Variants in PCDH15 observed in about 807,000 individuals in gnomAD.
PCDH15 encodes the protein protocadherin related 15.
A neutral mutation model predicts 178.5 loss-of-function variants in PCDH15; 129 were observed. The observed-to-expected ratio is 0.72, with a 90% CI of 0.63 to 0.84. The LOEUF is 0.84. PCDH15 is among the 40% of genes least tolerant of loss of function. The probability of loss-of-function intolerance (pLI) is 0.00; values close to 1 mark genes in which losing one functional copy is unlikely to be tolerated. For missense variants in PCDH15, 2,230 were observed against 2,099.9 expected (o/e 1.06, Z -1.21); for synonymous variants, 800 against 732.0 (o/e 1.09, Z -1.50).
intron 1 of PCDH15, among the ~76,000 whole-genome samples, chr10:54,731,764 A>G (rs541939128): frequency 6.6e-6 from 1 of 150,738 alleles, no homozygotes; most frequent in South Asian, 2.1e-4. Context: ...TCATGAAGAT[A>G]GGAATTTGAT....
intron 2 of PCDH15, among the ~76,000 whole-genome samples, chr10:55,543,226 T>C (rs116120708): frequency 0.01 from 1,543 of 150,868 alleles, 36 homozygotes; most frequent in African/African-American, 0.036. Context: ...CACATAATTA[T>C]AATTACAAAT....
At chr10:55,553,461 T>G (rs2132090323) in intron 2 of PCDH15, among the ~76,000 whole-genome samples, 1 of 151,934 alleles carries the variant, frequency 6.6e-6, no homozygotes, top group African/African-American at 2.4e-5. Flanking sequence ...TTTTTATTCT[T>G]TAAACAAAAA....
At chr10:55,346,833 G>T (rs1354553784) in intron 2 of PCDH15, among the ~76,000 whole-genome samples, 2 of 151,954 alleles carry the variant, frequency 1.3e-5, no homozygotes, top group Admixed American at 6.6e-5. Flanking sequence ...TGAGATGAAA[G>T]TTCAAGTGAT....
chr10:54,249,477 C>T (rs1370677321), intron 8 of PCDH15, among the ~76,000 whole-genome samples: 1 of 152,062 alleles, frequency 6.6e-6, no homozygotes, highest in Non-Finnish European at 1.5e-5. Context: ...ATATTTGTGT[C>T]TTGCCTGTTC....
At chr10:53,962,148 C>G (rs1369938927) in intron 21 of PCDH15, among the ~76,000 whole-genome samples, 1 of 152,166 alleles carries the variant, frequency 6.6e-6, no homozygotes, top group South Asian at 2.1e-4. Context: ...TTGCTTTGGG[C>G]ATCTTCTCTA....
At chr10:55,206,017 C>T (rs142303870) in intron 1 of PCDH15, among the ~76,000 whole-genome samples, 71 of 151,966 alleles carry the variant, frequency 4.7e-4, no homozygotes, top group Non-Finnish European at 7.6e-4. Context: ...AAAGACCCAC[C>T]CCCAAGATTC....
chr10:54,403,210 C>A (rs909697156), intron 3 of PCDH15, among the ~76,000 whole-genome samples: 1 of 151,968 alleles, frequency 6.6e-6, no homozygotes, highest in Non-Finnish European at 1.5e-5. Flanking sequence ...ACCTAGCTCT[C>A]TACATAGCTA....
chr10:55,077,434 CCTTT>C (rs1266340147), intron 2 of PCDH15, among the ~76,000 whole-genome samples: 19 of 142,152 alleles, frequency 1.3e-4, no homozygotes, highest in South Asian at 4.7e-4. Flanking sequence ...TTCCTTCCTT[CCTTT>C]CTTCCTTCCT....
rs57091329 is a variant in PCDH15 at position 54,970,625 on chromosome 10, A to AAT, written c.-79-73126_-79-73125insAT. Among the ~76,000 whole-genome samples the AAT allele has an allele frequency of 3.6e-3, 548 of 151,352 alleles. 4 individuals carry two copies. The highest frequency in any genetic ancestry group is 0.027 in the Middle Eastern group (8 of 294). On this transcript the variant is annotated intron_variant, in intron 2 of 5. Transcript: ENST00000458638. Reference sequence around the variant, plus strand: ...TTAAATGGAAAATTCCCTTAAAAAAACTATAAGTTTTAAATTGGTTACCAT... The same window carrying AAT: ...TTAAATGGAAAATTCCCTTAAAAAAAATCTATAAGTTTTAAATTGGTTACCAT...
intron 2 of PCDH15, among the ~76,000 whole-genome samples, chr10:54,638,867 G>A (rs910688275): frequency 2.0e-5 from 3 of 151,606 alleles, no homozygotes; most frequent in Admixed American, 2.0e-4. Context: ...AAAAAATAAC[G>A]AAATTATGTT....
chr10:55,582,623 TATA>T (rs1426970909), intron 2 of PCDH15, among the ~76,000 whole-genome samples: 10,490 of 91,088 alleles, frequency 0.12, 656 homozygotes, highest in East Asian at 0.17. Flanking sequence ...TATATATATA[TATA>T]TATTTTTTTT....
At chr10:55,088,443 G>C (rs1323035938) in intron 2 of PCDH15, among the ~76,000 whole-genome samples, 3 of 151,658 alleles carry the variant, frequency 2.0e-5, no homozygotes, top group African/African-American at 7.3e-5. Flanking sequence ...TAATTTTTTT[G>C]TATTTTTTTT....
chr10:54,856,540 A>G (rs1397099189), intron 3 of PCDH15, among the ~76,000 whole-genome samples: 3 of 152,356 alleles, frequency 2.0e-5, no homozygotes, highest in East Asian at 1.9e-4. Flanking sequence ...TGCCACTTAT[A>G]TAAACATTTG....
In PCDH15 at chr10:54,143,495, T is replaced by C. The variant is rs147329399; in HGVS notation, c.1784+9605A>G. Among the ~76,000 whole-genome samples, 15 of 152,272 alleles carry C rather than the reference T, an allele frequency of 9.9e-5. No individual in the cohort carries two copies. In the East Asian group the frequency reaches 2.9e-3, roughly 29 times the overall value. On this transcript the variant is annotated intron_variant, in intron 14 of 37. Coordinates refer to ENST00000644397, the MANE Select transcript of PCDH15 (RefSeq NM_001384140.1). The stretch of plus-strand genomic sequence containing the variant: ...AGAACTTTTCAATGCAGGTTACTGA[T>C]AACTTTGGAGATTGTGCCATTAGGT...
At chr10:54,552,737 T>C (rs117001918) in intron 2 of PCDH15, among the ~76,000 whole-genome samples, 1,702 of 152,298 alleles carry the variant, frequency 0.011, 18 homozygotes, top group Non-Finnish European at 0.016. Flanking sequence ...TAGTATCTAC[T>C]ATATGGGGTT....
intron 1 of PCDH15, among the ~76,000 whole-genome samples, chr10:54,788,885 G>C (rs766464086): frequency 4.0e-5 from 6 of 151,750 alleles, no homozygotes; most frequent in Non-Finnish European, 7.4e-5. Flanking sequence ...ATGGGTCATC[G>C]AGTTTGAAGT....
At chr10:55,481,920 T>C (rs1840189971) in intron 2 of PCDH15, among the ~76,000 whole-genome samples, 1 of 151,572 alleles carries the variant, frequency 6.6e-6, no homozygotes, top group African/African-American at 2.4e-5. Context: ...TCTAATACTG[T>C]CAGTGGGGTG....
intron 2 of PCDH15, among the ~76,000 whole-genome samples, chr10:54,651,199 A>G (rs562797086): frequency 1.3e-5 from 2 of 152,176 alleles, no homozygotes; most frequent in Non-Finnish European, 2.9e-5. Context: ...GAAAAGCAAA[A>G]AGACTTTAAA....
At chr10:55,607,143 A>G (rs1299926287) in intron 2 of PCDH15, among the ~76,000 whole-genome samples, 2 of 152,072 alleles carry the variant, frequency 1.3e-5, no homozygotes, top group Admixed American at 6.6e-5. Context: ...AAACACATGA[A>G]AAAATGCTCA....
Sources: allele counts gnomAD v4.1 joint callset (sites outside exome capture counted in the v4.1 genomes callset), GRCh38; gene constraint gnomAD v4.1.1; transcripts MANE v1.5; gene names NCBI Gene and HGNC (gene_info 2026-07-23, HGNC 2026-07-21).